GDA: variants seen among roughly 807,000 people sequenced by gnomAD.
The protein encoded by GDA is cytoplasmic PSD-95 interactor.
A neutral mutation model predicts 59.6 loss-of-function variants in GDA; 18 were observed. The observed-to-expected ratio is 0.30, with a 90% CI of 0.21 to 0.45. GDA has a LOEUF of 0.45. Among genes scored for constraint, GDA ranks in the 20% least tolerant of loss-of-function variants. The pLI is 1.00. For synonymous variants in GDA, 201 were observed against 201.1 expected (o/e 1.00, Z 0.00); for missense variants, 427 against 552.3 (o/e 0.77, Z 2.27).
rs1837481829 is a variant in GDA at position 72,225,798 on chromosome 9, C to T, written c.822+14C>T. ...TTGACAAATAAGGTAAGTTTTATAT[C>T]ATGACATAATCTGTTTAAAGGAGGG... On this transcript the variant is annotated intron_variant, in intron 8 of 13. Transcript: ENST00000358399. 3.1e-6 allele frequency: 3 copies of T among 980,018 alleles called. No homozygotes were observed. In the South Asian group the frequency reaches 4.3e-5, roughly 14 times the overall value. 60.7% of individuals were successfully genotyped at this position (980,018 alleles called of 1,614,324 possible). A position where few individuals can be genotyped will look rare whatever the true frequency, so the allele number is the denominator to read the frequency against.
chr9:72,138,344 T>C (rs2130642793), intron 1 of GDA, among the ~76,000 whole-genome samples: 1 of 152,292 alleles, frequency 6.6e-6, no homozygotes, highest in African/African-American at 2.4e-5. Context: ...GAAAGGGAGC[T>C]GGAACTTAAA....
chr9:72,149,085 G>A (rs1206119610), upstream of GDA, among the ~76,000 whole-genome samples: 3 of 152,178 alleles, frequency 2.0e-5, no homozygotes, highest in East Asian at 5.8e-4. Context: ...TGGTCATAAG[G>A]TAGGCAGCCC....
intron 8 of GDA, 65 bp downstream of exon 8, chr9:72,225,849 C>T (rs1837490766): frequency 3.0e-6 from 2 of 672,564 alleles, no homozygotes; most frequent in South Asian, 2.1e-5. Context: ...TTTAAAATCT[C>T]AATAGTAATC....
chr9:72,227,861 T>C (rs1327701821), intron 8 of GDA, 82 bp from the exon 9 acceptor site: 2 of 735,466 alleles, frequency 2.7e-6, no homozygotes, highest in East Asian at 2.6e-5. Context: ...AGCTTCGGTC[T>C]CTCTCTAAAA....
At chr9:72,162,802 C>T (rs1323431968) in intron 1 of GDA, among the ~76,000 whole-genome samples, 4 of 151,882 alleles carry the variant, frequency 2.6e-5, no homozygotes, top group East Asian at 1.9e-4. Flanking sequence ...GGACTACAGG[C>T]GCCCGCCACC....
chr9:72,178,421 T>TC (rs1292953517), intron 1 of GDA, among the ~76,000 whole-genome samples: 2 of 150,278 alleles, frequency 1.3e-5, no homozygotes, highest in African/African-American at 4.9e-5. Context: ...ATATTTTTTT[T>TC]TTTTTTTTTT....
chr9:72,224,842 T>C (rs973495866), intron 7 of GDA, among the ~76,000 whole-genome samples: 1 of 146,568 alleles, frequency 6.8e-6, no homozygotes, highest in African/African-American at 2.5e-5. Context: ...GATGGGAAAA[T>C]TGCTGTCCAA....
chr9:72,206,392 A>G (rs2060832982), intron 3 of GDA, among the ~76,000 whole-genome samples: 1 of 152,008 alleles, frequency 6.6e-6, no homozygotes, highest in Admixed American at 6.5e-5. Flanking sequence ...TGTATACTAT[A>G]TTTAAGATAA....
Position 72,210,712 on chromosome 9 carries a change from C to G in GDA, c.410C>G (p.Thr137Ser), listed in dbSNP as rs775995372. 2 of 1,608,320 alleles carry G rather than the reference C, an allele frequency of 1.2e-6. No individual in the cohort carries two copies. The highest frequency in any genetic ancestry group is 2.2e-5 in the South Asian group (2 of 90,972). The change falls in exon 4 of 14, where the codon ACC (threonine) becomes AGC (serine). Residue 137 changes from threonine (T) to serine (S), a missense_variant. Thr to Ser is a moderately conservative substitution (Grantham distance 58). Transcript: ENST00000358399. ...AGGAGAACACTAAAGAATGGAACAA[C>G]CACAGCTTGTTACTTTGCAACAATT... ...VVRRTLKNGTTTACYFATIHT... is the reference protein window; with the variant it reads ...VVRRTLKNGTSTACYFATIHT...
intron 4 of GDA, among the ~76,000 whole-genome samples, chr9:72,212,310 G>A (rs1304759191): frequency 1.3e-5 from 2 of 151,978 alleles, no homozygotes; most frequent in Non-Finnish European, 2.9e-5. Context: ...GTGAAACCCT[G>A]TCTCTACTAA....
chr9:72,142,025 C>T (rs1214596809), intron 1 of GDA, among the ~76,000 whole-genome samples: 3 of 152,154 alleles, frequency 2.0e-5, no homozygotes, highest in African/African-American at 7.2e-5. Context: ...TCTTGAGTCT[C>T]TAACTTTTCA....
intron 1 of GDA, among the ~76,000 whole-genome samples, chr9:72,180,289 A>G (rs934719117): frequency 6.6e-6 from 1 of 152,130 alleles, no homozygotes; most frequent in African/African-American, 2.4e-5. Flanking sequence ...CCCGGGAGGC[A>G]GAGGTTGCAG....
chr9:72,214,541 G>A (rs895928687), intron 5 of GDA, among the ~76,000 whole-genome samples: 2 of 151,630 alleles, frequency 1.3e-5, no homozygotes, highest in Non-Finnish European at 2.9e-5. Flanking sequence ...TGATCTGCCC[G>A]CCTCGGCCTC....
At chr9:72,230,313 C>T (rs548354909) in intron 9 of GDA, among the ~76,000 whole-genome samples, 48 of 151,962 alleles carry the variant, frequency 3.2e-4, no homozygotes, top group Admixed American at 4.6e-4. Flanking sequence ...ACCAACATGG[C>T]GAAACCCTGT....
Position 72,250,604 on chromosome 9 carries a change from G to A in GDA, c.*2262G>A. 1.9e-6 allele frequency: 3 copies of A among 1,546,588 alleles called. No homozygotes were observed. The highest frequency in any genetic ancestry group is 1.7e-6 in the Non-Finnish European group (2 of 1,154,280). On this transcript the variant is annotated 3_prime_UTR_variant, in exon 14 of 14. Coordinates refer to ENST00000358399, the MANE Select transcript of GDA (RefSeq NM_004293.5). ...GTATGCTTTTTTTTCTGTACCACAGGCATTATCTATACCTGGGGCCAGATT... is the reference window on the plus strand; with the variant it reads ...GTATGCTTTTTTTTCTGTACCACAGACATTATCTATACCTGGGGCCAGATT...
chr9:72,179,446 G>A (rs866851284), intron 1 of GDA, among the ~76,000 whole-genome samples: 3 of 152,098 alleles, frequency 2.0e-5, no homozygotes, highest in Admixed American at 1.3e-4. Context: ...AGAGGTTAAG[G>A]GATTGGCTCT....
rs1840440505 is a variant in GDA at position 72,249,076 on chromosome 9, A to G, written c.*734A>G. Reference sequence around the variant, plus strand: ...TAAAGATTTAAAGTCTCTTAGGAATATTATTCATGTAACTCCATGGCATAA... The same window carrying G: ...TAAAGATTTAAAGTCTCTTAGGAATGTTATTCATGTAACTCCATGGCATAA... On this transcript the variant is annotated 3_prime_UTR_variant, in exon 14 of 14. Coordinates refer to ENST00000358399, the MANE Select transcript of GDA (RefSeq NM_004293.5). 1 of 980,596 alleles carries G rather than the reference A, an allele frequency of 1.0e-6. No homozygotes were observed. The highest frequency in any genetic ancestry group is 1.7e-5 in the African/African-American group (1 of 57,150). 60.7% of individuals were successfully genotyped at this position (980,596 alleles called of 1,614,324 possible).
At chr9:72,192,879 A>C (rs1349356509) in intron 1 of GDA, among the ~76,000 whole-genome samples, 1 of 151,116 alleles carries the variant, frequency 6.6e-6, no homozygotes, top group Non-Finnish European at 1.5e-5. Context: ...ACTCCTTCTC[A>C]AAACAACAAC....
chr9:72,129,346 C>T (rs546370324), intron 1 of GDA, among the ~76,000 whole-genome samples: 1 of 152,150 alleles, frequency 6.6e-6, no homozygotes, highest in East Asian at 1.9e-4. Flanking sequence ...AGAGAATGAG[C>T]CAGGCACGGC....
Sources: gnomAD v4.1 joint callset for allele counts (sites outside exome capture counted in the v4.1 genomes callset) on GRCh38, gnomAD v4.1.1 for gene constraint, MANE v1.5 for transcripts, NCBI Gene and HGNC (gene_info 2026-07-23, HGNC 2026-07-21) for gene names.